RNF217: variants seen among roughly 807,000 people sequenced by gnomAD.
RNF217 encodes the protein ring finger protein 217, also known as E3 ubiquitin-protein ligase RNF217.
In RNF217, 31 loss-of-function variants were observed where a neutral mutation model predicts 57.8. The ratio of observed to expected loss-of-function variants is 0.54; its 90% CI spans 0.40 to 0.72. RNF217 has a LOEUF of 0.72. Among genes scored for constraint, RNF217 ranks in the 30% least tolerant of loss-of-function variants. RNF217 has a pLI of 0.00. For synonymous variants in RNF217, 313 were observed against 294.0 expected, an observed-to-expected ratio of 1.06 and a Z score of -0.66; for missense variants, 696 against 708.3, an observed-to-expected ratio of 0.98 and a Z score of 0.20.
At position 125,082,347 on chromosome 6, in the gene RNF217, T is replaced by C. The variant is rs567514750; in HGVS notation, c.1556-517T>C. On this transcript the variant is annotated intron_variant, in intron 5 of 5. Coordinates refer to ENST00000521654, the MANE Select transcript of RNF217 (RefSeq NM_001286398.3). ...ATGTCAACTTGGGTTTAGCAAGTAA[T>C]AAATGTGCAGGACAGATAGAATTAT... is the stretch of plus-strand genomic sequence containing the variant. 4.3e-4 allele frequency: 523 copies of C among 1,205,738 alleles called. 1 individual carries two copies. In the African/African-American group the frequency reaches 7.1e-3, roughly 16 times the overall value. The allele number at this position is 1,205,738 out of a possible 1,614,324, so 74.7% of individuals were successfully genotyped here.
chr6:125,082,792 C>A, intron 5 of RNF217, 72 bp from the exon 6 acceptor site: 1 of 1,232,796 alleles, frequency 8.1e-7, no homozygotes, highest in Non-Finnish European at 1.2e-6. Flanking sequence ...AATAAATAAA[C>A]ATAGACATTT....
At position 125,065,842 on chromosome 6, in the gene RNF217, C is replaced by T. The variant is rs551220043; in HGVS notation, c.1281+7736C>T. Reference sequence around the variant, plus strand: ...CTGTTGGCTCAGTCGGTAGGCAAATCGTAAAGTTTTGGGGAACTGTGAGAA... The same window carrying T: ...CTGTTGGCTCAGTCGGTAGGCAAATTGTAAAGTTTTGGGGAACTGTGAGAA... On this transcript the variant is annotated intron_variant, in intron 3 of 5. Transcript: ENST00000521654. 1.2e-4 allele frequency among the ~76,000 whole-genome samples: 19 copies of T among 152,232 alleles called. No individual in the cohort carries two copies. In the South Asian group the frequency reaches 3.7e-3, roughly 30 times the overall value.
chr6:125,027,240 G>A (rs1786136147), intron 1 of RNF217, among the ~76,000 whole-genome samples: 3 of 152,010 alleles, frequency 2.0e-5, no homozygotes, highest in African/African-American at 7.2e-5. Context: ...CAAATAGTAG[G>A]TCTTATTCAT....
intron 2 of RNF217, chr6:125,046,786 T>C (rs1312212812): frequency 2.7e-6 from 1 of 375,872 alleles, no homozygotes; most frequent in African/African-American, 2.1e-5. Context: ...TACAGTATTG[T>C]AGGTTAGTCA....
chr6:124,985,925 A>G (rs1188451495), intron 1 of RNF217, among the ~76,000 whole-genome samples: 5 of 152,134 alleles, frequency 3.3e-5, no homozygotes, highest in African/African-American at 9.7e-5. Flanking sequence ...TTTTTGGCAA[A>G]TAAGTGCTGC....
intron 1 of RNF217, among the ~76,000 whole-genome samples, chr6:125,026,420 A>AGTT (rs1786083101): frequency 6.6e-6 from 1 of 152,126 alleles, no homozygotes; most frequent in Non-Finnish European, 1.5e-5. Flanking sequence ...CACATACTAA[A>AGTT]CGCTCAACAA....
intron 3 of RNF217, among the ~76,000 whole-genome samples, chr6:125,063,343 T>C (rs1301867200): frequency 6.6e-6 from 1 of 152,192 alleles, no homozygotes; most frequent in Admixed American, 6.5e-5. Flanking sequence ...TTTATTTTAT[T>C]CTAAGGTCAA....
intron 3 of RNF217, among the ~76,000 whole-genome samples, chr6:125,069,470 G>T (rs1165428602): frequency 6.6e-6 from 1 of 152,086 alleles, no homozygotes; most frequent in Non-Finnish European, 1.5e-5. Flanking sequence ...TCATATTGCT[G>T]CAAAGGATGT....
At chr6:124,998,197 A>AT (rs1373250810) in intron 1 of RNF217, among the ~76,000 whole-genome samples, 3 of 151,538 alleles carry the variant, frequency 2.0e-5, no homozygotes, top group African/African-American at 4.9e-5. Flanking sequence ...CCGTTACCTT[A>AT]TTTTTTCACA....
intron 1 of RNF217, among the ~76,000 whole-genome samples, chr6:125,021,432 A>AT (rs1562471907): frequency 1.3e-5 from 2 of 151,722 alleles, no homozygotes; most frequent in Non-Finnish European, 2.9e-5. Context: ...TGCCCGACTA[A>AT]TTTTTTGTAT....
chr6:125,017,341 A>G (rs1785650871), intron 1 of RNF217, among the ~76,000 whole-genome samples: 1 of 152,062 alleles, frequency 6.6e-6, no homozygotes, highest in Admixed American at 6.5e-5. Context: ...AAATGTGGGG[A>G]TTAATTGGTA....
chr6:125,035,592 C>G (rs1356279118), intron 1 of RNF217, among the ~76,000 whole-genome samples: 1 of 152,138 alleles, frequency 6.6e-6, no homozygotes, highest in African/African-American at 2.4e-5. Context: ...TTCCAAATCT[C>G]TTCTCACACT....
chr6:124,976,159 G>A (rs1200604174), intron 1 of RNF217, among the ~76,000 whole-genome samples: 1 of 151,952 alleles, frequency 6.6e-6, no homozygotes, highest in Non-Finnish European at 1.5e-5. Context: ...TGTCACAAGG[G>A]GAATATTTGT....
At chr6:125,006,566 T>C (rs1785186970) in intron 1 of RNF217, among the ~76,000 whole-genome samples, 1 of 152,228 alleles carries the variant, frequency 6.6e-6, no homozygotes, top group Non-Finnish European at 1.5e-5. Flanking sequence ...AATGAAAGCA[T>C]ACTATTCTGA....
intron 1 of RNF217, among the ~76,000 whole-genome samples, chr6:125,004,853 C>G (rs1348692803): frequency 6.6e-6 from 1 of 152,176 alleles, no homozygotes; most frequent in East Asian, 1.9e-4. Flanking sequence ...AAGGCACTTT[C>G]TAAAGGCCTT....
At chr6:124,969,470 T>G (rs1036084549) in intron 1 of RNF217, among the ~76,000 whole-genome samples, 10 of 152,212 alleles carry the variant, frequency 6.6e-5, no homozygotes, top group Admixed American at 4.6e-4. Context: ...GAGAATGACT[T>G]CTAGTTTATA....
intron 1 of RNF217, among the ~76,000 whole-genome samples, chr6:124,999,831 A>G (rs888565341): frequency 2.0e-5 from 3 of 152,194 alleles, no homozygotes; most frequent in Non-Finnish European, 2.9e-5. Context: ...CTTTATACTT[A>G]CTTATTTCTC....
chr6:124,962,439 A>T lies in RNF217; in HGVS notation c.-106A>T. On this transcript the variant is annotated 5_prime_UTR_variant, in exon 1 of 6. Transcript: ENST00000521654. The surrounding 1 kb of genome is among the most constrained non-coding windows in gnomAD (Gnocchi z 4.6). ...CCCAGGAGGAAGGACCCGGAAGCAG[A>T]AGCGGAGCCGCGAGTCGAGCCGAGC... 1 of 375,740 alleles carries T rather than the reference A, an allele frequency of 2.7e-6. No homozygotes were observed. Among genetic ancestry groups the T allele is most frequent in the Non-Finnish European group, 4.0e-6 (1 of 248,892 alleles). 23.3% of individuals were successfully genotyped at this position (375,740 alleles called of 1,614,324 possible). A position where few individuals can be genotyped will look rare whatever the true frequency, so the allele number is the denominator to read the frequency against.
intron 3 of RNF217, among the ~76,000 whole-genome samples, chr6:125,065,592 G>A (rs756146699): frequency 6.6e-6 from 1 of 152,114 alleles, no homozygotes; most frequent in African/African-American, 2.4e-5. Flanking sequence ...AGATGATGAG[G>A]GCTTCTGCAA....
Sources: gnomAD v4.1 joint callset for allele counts (sites outside exome capture counted in the v4.1 genomes callset) on GRCh38, gnomAD v4.1.1 for gene constraint, Gnocchi (gnomAD v3.1) non-coding constraint, MANE v1.5 for transcripts, NCBI Gene and HGNC (gene_info 2026-07-23, HGNC 2026-07-21) for gene names.